Variants in MTMR12 observed in about 807,000 individuals in gnomAD.
The protein encoded by MTMR12 is myotubularin related protein 12.
A neutral mutation model predicts 96.7 loss-of-function variants in MTMR12; 33 were observed. The observed-to-expected ratio is 0.34, with a 90% confidence interval of 0.26 to 0.46. MTMR12 has a LOEUF of 0.46. Among genes scored for constraint, MTMR12 ranks in the 20% least tolerant of loss-of-function variants. The pLI is 1.00. For missense variants in MTMR12, 721 were observed against 896.1 expected, an observed-to-expected ratio of 0.80 and a Z score of 2.49; for synonymous variants, 298 against 327.2, an observed-to-expected ratio of 0.91 and a Z score of 0.96.
chr5:32,246,115 G>T (rs1748667828), intron 10 of MTMR12, among the ~76,000 whole-genome samples: 1 of 151,040 alleles, frequency 6.6e-6, no homozygotes, highest in Non-Finnish European at 1.5e-5. Flanking sequence ...TGAAAGCTCT[G>T]CTCTCATCTG....
intron 7 of MTMR12, among the ~76,000 whole-genome samples, chr5:32,261,466 G>A (rs1396586968): frequency 6.6e-6 from 1 of 152,020 alleles, no homozygotes; most frequent in Non-Finnish European, 1.5e-5. Context: ...TTACGACTAT[G>A]CTTACAAGCC....
At chr5:32,266,735 G>A (rs1476004755) in intron 6 of MTMR12, among the ~76,000 whole-genome samples, 1 of 150,682 alleles carries the variant, frequency 6.6e-6, no homozygotes, top group Non-Finnish European at 1.5e-5. Context: ...CCACTTCCCT[G>A]ACAAAAAGTA....
chr5:32,282,686 A>G (rs1401120529), intron 1 of MTMR12, among the ~76,000 whole-genome samples: 1 of 152,128 alleles, frequency 6.6e-6, no homozygotes, highest in Non-Finnish European at 1.5e-5. Context: ...GGGTATACAA[A>G]TAAGAATCAT....
rs761707598 is a variant in MTMR12 at position 32,235,050 on chromosome 5, G to A, written c.1424C>T (p.Thr475Ile). 1.9e-6 allele frequency: 3 copies of A among 1,613,950 alleles called. No individual in the cohort carries two copies. The highest frequency in any genetic ancestry group is 2.7e-5 in the African/African-American group (2 of 74,922). Residue 475 changes from threonine to isoleucine, a missense_variant, in exon 14 of 16, where the codon ACT (threonine) becomes ATT (isoleucine). By Grantham distance (89) the Thr-to-Ile change is moderately conservative (BLOSUM62 -1). Coordinates refer to ENST00000382142, the MANE Select transcript of MTMR12 (RefSeq NM_001040446.3). ...GCTATCTGACAAAACAGTCAGGTAAGTCTCTGTGAATTCAAATGCCGGGGG... is the reference window on the plus strand; with the variant it reads ...GCTATCTGACAAAACAGTCAGGTAAATCTCTGTGAATTCAAATGCCGGGGG... ...QHPPAFEFTE[T>I]YLTVLSDSLY...
intron 1 of MTMR12, among the ~76,000 whole-genome samples, chr5:32,279,054 C>A (rs1245493826): frequency 9.7e-6 from 1 of 102,724 alleles, no homozygotes; most frequent in African/African-American, 3.7e-5. Flanking sequence ...CCGGCCTGGG[C>A]AACAAGAGCG....
chr5:32,269,297 A>T (rs1440200000), intron 5 of MTMR12, among the ~76,000 whole-genome samples: 1 of 148,098 alleles, frequency 6.8e-6, no homozygotes. Flanking sequence ...AAAGTGCTGG[A>T]ATTACAGGCA....
intron 2 of MTMR12, among the ~76,000 whole-genome samples, chr5:32,275,828 T>C (rs970894671): frequency 1.8e-4 from 27 of 152,266 alleles, no homozygotes; most frequent in East Asian, 9.6e-4. Context: ...AAAAAAGCCT[T>C]TGACATTTAA....
intron 7 of MTMR12, among the ~76,000 whole-genome samples, chr5:32,262,910 G>A (rs1457073102): frequency 1.3e-5 from 2 of 152,198 alleles, no homozygotes; most frequent in Admixed American, 6.5e-5. Flanking sequence ...TAGATTAGTG[G>A]TTGTCTAGGA....
intron 1 of MTMR12, chr5:32,296,584 G>T: frequency 4.6e-6 from 1 of 217,534 alleles, no homozygotes; most frequent in Non-Finnish European, 1.0e-5. Flanking sequence ...GGGGGAGTGG[G>T]GATTGCTTGA....
At chr5:32,303,974 T>C (rs1751251236) in intron 1 of MTMR12, among the ~76,000 whole-genome samples, 1 of 151,324 alleles carries the variant, frequency 6.6e-6, no homozygotes, top group African/African-American at 2.4e-5. Flanking sequence ...GGATCAAGCA[T>C]AATATCTTCA....
chr5:32,257,174 A>T (rs557064600), intron 7 of MTMR12, among the ~76,000 whole-genome samples: 275 of 152,072 alleles, frequency 1.8e-3, no homozygotes, highest in African/African-American at 6.2e-3. Context: ...CAAAAAAATT[A>T]AAAAAAATTA....
In MTMR12 at chr5:32,233,743, G is replaced by A. The variant is rs1029287138; in HGVS notation, c.1674+30C>T. 2 of 1,614,128 alleles carry A rather than the reference G, an allele frequency of 1.2e-6. No homozygotes were observed. On this transcript the variant is annotated intron_variant, in intron 15 of 15. Transcript: ENST00000382142. This position sits in a 1 kb window ranked among gnomAD's most constrained non-coding sequence, Gnocchi z 5.0. ...TTACATGCACGGGGTCTGGGCAGCT[G>A]AAGGGGGTTTAGACATGTGGACATC...
intron 9 of MTMR12, among the ~76,000 whole-genome samples, chr5:32,248,515 G>A (rs1748785614): frequency 6.6e-6 from 1 of 152,040 alleles, no homozygotes; most frequent in African/African-American, 2.4e-5. Flanking sequence ...TTTGACAACT[G>A]TTAACATTAC....
chr5:32,282,201 T>C (rs901817265), intron 1 of MTMR12, among the ~76,000 whole-genome samples: 3 of 151,886 alleles, frequency 2.0e-5, no homozygotes, highest in Non-Finnish European at 4.4e-5. Flanking sequence ...GCTAACATGG[T>C]GAAACCCCGT....
intron 4 of MTMR12, 125 bp downstream of exon 4, chr5:32,271,708 G>A: frequency 1.9e-6 from 1 of 529,024 alleles, no homozygotes; most frequent in Non-Finnish European, 3.1e-6. Context: ...CTATAAAACA[G>A]ATTTAAACAA....
chr5:32,270,324 T>C (rs76835075), intron 5 of MTMR12, among the ~76,000 whole-genome samples: 4,693 of 152,334 alleles, frequency 0.031, 245 homozygotes, highest in African/African-American at 0.11. Flanking sequence ...ATTATGTTTA[T>C]TTAGTCTCTA....
At position 32,251,839 on chromosome 5, in the gene MTMR12, G is replaced by A. The variant is rs563374935; in HGVS notation, c.790-2961C>T. ...ACGGGAGCCCAGAGAGAAACAACAG[G>A]AGGCTGAGTAGAAGGAAGCTGAGGG... On this transcript the variant is annotated intron_variant, in intron 8 of 15. Coordinates refer to ENST00000382142, the MANE Select transcript of MTMR12 (RefSeq NM_001040446.3). Among the ~76,000 whole-genome samples, 4 of 152,182 alleles carry A rather than the reference G, an allele frequency of 2.6e-5. No homozygotes were observed. In the South Asian group the frequency reaches 8.3e-4, roughly 32 times the overall value.
intron 8 of MTMR12, among the ~76,000 whole-genome samples, chr5:32,254,936 T>C (rs1640774535): frequency 6.6e-6 from 1 of 152,234 alleles, no homozygotes; most frequent in African/African-American, 2.4e-5. Context: ...TTGGCTCATA[T>C]TCCCATGTGG....
intron 8 of MTMR12, among the ~76,000 whole-genome samples, chr5:32,253,975 A>T (rs1327853544): frequency 6.6e-6 from 1 of 152,234 alleles, no homozygotes; most frequent in Non-Finnish European, 1.5e-5. Flanking sequence ...CTCGAATCTT[A>T]TCAGAATATT....
Sources: allele counts gnomAD v4.1 joint callset (sites outside exome capture counted in the v4.1 genomes callset), GRCh38; gene constraint gnomAD v4.1.1; non-coding constraint Gnocchi (gnomAD v3.1); transcripts MANE v1.5; gene names NCBI Gene and HGNC (gene_info 2026-07-23, HGNC 2026-07-21).